VPS13C: variants seen among roughly 807,000 people sequenced by gnomAD.
VPS13C encodes vacuolar protein sorting 13 homolog C.
In VPS13C, 358 loss-of-function variants were observed where a neutral mutation model predicts 456.8. The observed-to-expected ratio is 0.78, with a 90% CI of 0.72 to 0.86. VPS13C has a LOEUF of 0.86. VPS13C is among the 40% of genes least tolerant of loss of function. VPS13C has a pLI of 0.00. For synonymous variants in VPS13C, 1,578 were observed against 1,486.7 expected (o/e 1.06, Z -1.41); for missense variants, 4,818 against 4,385.4 (o/e 1.10, Z -2.79).
intron 73 of VPS13C, 96 bp downstream of exon 73, chr15:61,880,513 A>G: frequency 1.4e-6 from 1 of 728,776 alleles, no homozygotes; most frequent in Non-Finnish European, 2.2e-6. Context: ...CACCAAATAC[A>G]TGATGCAACA....
intron 5 of VPS13C, 54 bp downstream of exon 5, chr15:62,033,379 AAGGATATT>A: frequency 4.5e-6 from 5 of 1,110,084 alleles, no homozygotes; most frequent in Non-Finnish European, 6.3e-6. Flanking sequence ...ATCCTCTTTA[AAGGATATT>A]AATTATATCT....
intron 33 of VPS13C, 33 bp downstream of exon 33, chr15:61,962,716 A>C: frequency 6.9e-7 from 1 of 1,454,230 alleles, no homozygotes. Context: ...TCAGTCATTA[A>C]AGAATATTAA....
At chr15:62,015,037 G>A (rs1036425311) in intron 9 of VPS13C, among the ~76,000 whole-genome samples, 2 of 152,108 alleles carry the variant, frequency 1.3e-5, no homozygotes, top group Non-Finnish European at 2.9e-5. Flanking sequence ...CCATTCTTAT[G>A]CAATAGTATA....
chr15:61,886,608 A>G (rs1337576250), intron 67 of VPS13C, among the ~76,000 whole-genome samples: 1 of 152,152 alleles, frequency 6.6e-6, no homozygotes, highest in Non-Finnish European at 1.5e-5. Flanking sequence ...CTGTGTCCCA[A>G]CAAAACATTA....
In VPS13C at chr15:61,867,896, T is replaced by A; in HGVS notation, c.10863+763A>T. Reference sequence around the variant, plus strand: ...CACAGTTTGTTTTGATTTTTAAGGATGAAATCAAGTAGTAGTTTAGGAAAC... The same window carrying A: ...CACAGTTTGTTTTGATTTTTAAGGAAGAAATCAAGTAGTAGTTTAGGAAAC... On this transcript the variant is annotated intron_variant, in intron 81 of 84. Transcript: ENST00000644861. The surrounding 1 kb of genome is among the most constrained non-coding windows in gnomAD (Gnocchi z 5.0). 6.2e-7 allele frequency: 1 copy of A among 1,605,794 alleles called. No homozygotes were observed. Among genetic ancestry groups the A allele is most frequent in the South Asian group, 1.1e-5 (1 of 89,318 alleles).
chr15:61,887,218 C>T (rs978193950), intron 67 of VPS13C, among the ~76,000 whole-genome samples: 13 of 152,276 alleles, frequency 8.5e-5, no homozygotes, highest in South Asian at 4.1e-4. Context: ...GGTTAATATA[C>T]AAGTCAACTG....
chr15:61,929,611 G>C lies in VPS13C; in HGVS notation c.6176C>G (p.Thr2059Ser). 3.7e-6 allele frequency: 6 copies of C among 1,614,048 alleles called. No homozygotes were observed. The highest frequency in any genetic ancestry group is 4.2e-6 in the Non-Finnish European group (5 of 1,179,996). Reference protein sequence around the residue: ...YVCASVEFLMTVADFFIKAVP... With the variant: ...YVCASVEFLMSVADFFIKAVP... ...AGCTTTGATAAAGAAATCTGCCACA[G>C]TCATCAGAAATTCCACACTGGCACA... Residue 2059 changes from threonine (T) to serine (S), a missense_variant, in exon 51 of 85, where the codon ACT (threonine) becomes AGT (serine). Thr to Ser is a moderately conservative substitution (Grantham distance 58). This residue lies in a region of VPS13C where 4,552 missense variants were observed against 4,130.6 expected (regional missense o/e 1.10). Transcript: ENST00000644861.
chr15:62,008,880 G>T, intron 13 of VPS13C, 119 bp from the exon 14 acceptor site: 1 of 468,940 alleles, frequency 2.1e-6, no homozygotes, highest in Non-Finnish European at 3.5e-6. Context: ...TTGCCTGGTA[G>T]TCCAATAATA....
intron 82 of VPS13C, among the ~76,000 whole-genome samples, chr15:61,860,495 T>C (rs917955698): frequency 1.3e-5 from 2 of 152,122 alleles, no homozygotes; most frequent in African/African-American, 2.4e-5. Context: ...AATTTTATTC[T>C]AATAAAATAA....
Position 62,041,351 on chromosome 15 carries a change from G to A in VPS13C, c.160C>T (p.Pro54Ser), listed in dbSNP as rs1313899885. ...ATTTGGCCAGCCTTGACTTTAAAAGGAACATCCAATTCACTCTTCAGAAGA... is the reference window on the plus strand; with the variant it reads ...ATTTGGCCAGCCTTGACTTTAAAAGAAACATCCAATTCACTCTTCAGAAGA... ...KENALSELDVPFKVKAGQIDK... is the reference protein window; with the variant it reads ...KENALSELDVSFKVKAGQIDK... Residue 54 changes from proline (P) to serine (S), a missense_variant, in exon 3 of 85, where the codon CCT (proline) becomes TCT (serine). Physicochemically the swap from Pro to Ser is moderately conservative, Grantham distance 74. This residue lies in a region of VPS13C where 4,552 missense variants were observed against 4,130.6 expected (regional missense o/e 1.10). Transcript: ENST00000644861. 2 of 1,606,724 alleles carry A rather than the reference G, an allele frequency of 1.2e-6. No individual in the cohort carries two copies. The highest frequency in any genetic ancestry group is 1.7e-6 in the Non-Finnish European group (2 of 1,178,258).
At chr15:62,049,109 T>G (rs1463272943) in intron 1 of VPS13C, among the ~76,000 whole-genome samples, 1 of 152,136 alleles carries the variant, frequency 6.6e-6, no homozygotes, top group East Asian at 1.9e-4. Context: ...TTAGTTTAAT[T>G]AGATCCCATT....
chr15:62,024,322 C>G (rs1378858929), intron 6 of VPS13C, among the ~76,000 whole-genome samples: 1 of 152,002 alleles, frequency 6.6e-6, no homozygotes, highest in Non-Finnish European at 1.5e-5. Flanking sequence ...ACTTCACAAG[C>G]AAATTATTTA....
intron 82 of VPS13C, among the ~76,000 whole-genome samples, chr15:61,860,296 A>C (rs530327291): frequency 6.6e-6 from 1 of 152,328 alleles, no homozygotes; most frequent in South Asian, 2.1e-4. Context: ...CTACCCATCA[A>C]GCTAGCAAAA....
At chr15:62,026,500 A>G (rs1203390194) in intron 6 of VPS13C, among the ~76,000 whole-genome samples, 1 of 152,034 alleles carries the variant, frequency 6.6e-6, no homozygotes, top group Non-Finnish European at 1.5e-5. Flanking sequence ...AAGAGCTCAA[A>G]TTTTATCACT....
chr15:61,966,725 CT>C (rs746908069), intron 29 of VPS13C, among the ~76,000 whole-genome samples: 1 of 151,906 alleles, frequency 6.6e-6, no homozygotes, highest in East Asian at 1.9e-4. Flanking sequence ...ATGCTTTGTG[CT>C]TTTCTTTATT....
chr15:62,006,004 G>T (rs8042304), intron 15 of VPS13C, among the ~76,000 whole-genome samples: 1 of 151,774 alleles, frequency 6.6e-6, no homozygotes, highest in African/African-American at 2.4e-5. Flanking sequence ...ACGCCCGGCC[G>T]TGTTTCTACC....
intron 9 of VPS13C, among the ~76,000 whole-genome samples, chr15:62,015,132 A>G (rs2047184250): frequency 6.6e-6 from 1 of 152,138 alleles, no homozygotes. Context: ...CTGCTCCCTT[A>G]TGACCACTAT....
At chr15:61,973,875 T>C (rs2045627129) in intron 25 of VPS13C, among the ~76,000 whole-genome samples, 1 of 152,134 alleles carries the variant, frequency 6.6e-6, no homozygotes, top group South Asian at 2.1e-4. Context: ...GGTATCATCA[T>C]GAGCTGGCTT....
chr15:61,917,316 A>G, intron 60 of VPS13C, 25 bp downstream of exon 60: 1 of 1,601,970 alleles, frequency 6.2e-7, no homozygotes, highest in Admixed American at 1.7e-5. Context: ...AACAACAAAA[A>G]TCAAACAAAA....
Sources: allele counts gnomAD v4.1 joint callset (sites outside exome capture counted in the v4.1 genomes callset), GRCh38; gene constraint gnomAD v4.1.1; regional missense constraint gnomAD v4.1.1; non-coding constraint Gnocchi (gnomAD v3.1); transcripts MANE v1.5; gene names NCBI Gene and HGNC (gene_info 2026-07-23, HGNC 2026-07-21).